GTF2F1: variants seen among roughly 807,000 people sequenced by gnomAD.
GTF2F1 encodes general transcription factor IIF 74 kDa subunit.
In GTF2F1, 39 loss-of-function variants were observed where a neutral mutation model predicts 63.5. The ratio of observed to expected loss-of-function variants is 0.61; its 90% CI spans 0.48 to 0.80. The LOEUF (loss-of-function observed/expected upper bound fraction) is 0.80. GTF2F1 is among the 30% of genes least tolerant of loss of function. GTF2F1 has a pLI of 0.00. For synonymous variants in GTF2F1, 287 were observed against 285.3 expected (o/e 1.01, Z -0.06); for missense variants, 657 against 718.3 (o/e 0.91, Z 0.97).
At position 6,381,572 on chromosome 19, in the gene GTF2F1, G is replaced by C. The variant is rs747797295; in HGVS notation, c.880C>G (p.Gln294Glu). The change falls in exon 8 of 13, where the codon CAG becomes GAG. Residue 294 changes from glutamine to glutamate, a missense_variant. Physicochemically the swap from Gln to Glu is conservative, Grantham distance 29 (BLOSUM62 2). This residue lies in a region of GTF2F1 where 602 missense variants were observed against 625.6 expected (regional missense o/e 0.96). Coordinates refer to ENST00000394456, the MANE Select transcript of GTF2F1 (RefSeq NM_002096.3). The surrounding 1 kb of genome is among the most constrained non-coding windows in gnomAD (Gnocchi z 4.1). ...CGCCTACCCTTGGGCCCCTCCTCCT[G>C]CTGCGGCGCCTTGGCCTTGCTCTCA... Reference protein sequence around the residue: ...EPESKAKAPQQEEGPKGVDEQ... With the variant: ...EPESKAKAPQEEEGPKGVDEQ... 1 of 1,613,528 alleles carries C rather than the reference G, an allele frequency of 6.2e-7. No homozygotes were observed. Among genetic ancestry groups the C allele is most frequent in the East Asian group, 2.2e-5 (1 of 44,886 alleles).
intron 3 of GTF2F1, among the ~76,000 whole-genome samples, chr19:6,391,437 C>T (rs1030071955): frequency 1.5e-5 from 2 of 134,970 alleles, no homozygotes; most frequent in African/African-American, 5.7e-5. Flanking sequence ...TTTGCCATTT[C>T]CGTTTTTTTT....
intron 3 of GTF2F1, 194 bp from the exon 4 acceptor site, chr19:6,389,831 A>G (rs2091989735): frequency 2.0e-6 from 1 of 500,810 alleles, no homozygotes; most frequent in Non-Finnish European, 3.5e-6. Context: ...CTTGCGCTCT[A>G]TTTTTGCAAC....
rs748344833 is a variant in GTF2F1 at position 6,393,040 on chromosome 19, T to C, written c.-45A>G. ...CGATCTGGTCCGACCCGGGTTCCTT[T>C]CGTCTCCTCTGGCGTGCGCGTCCCT... On this transcript the variant is annotated 5_prime_UTR_variant, in exon 1 of 13. Coordinates refer to ENST00000394456, the MANE Select transcript of GTF2F1 (RefSeq NM_002096.3). 6.2e-7 allele frequency: 1 copy of C among 1,612,078 alleles called. No homozygotes were observed. The highest frequency in any genetic ancestry group is 1.1e-5 in the South Asian group (1 of 91,030).
Position 6,379,741 on chromosome 19 carries a change from C to CTT in GTF2F1, c.*538_*539dup, listed in dbSNP as rs11359697. 9.1e-5 allele frequency: 13 copies of CTT among 142,236 alleles called. No individual in the cohort carries two copies. The highest frequency in any genetic ancestry group is 2.7e-4 in the Admixed American group (4 of 14,634). The allele number at this position is 142,236 out of a possible 1,614,324, so 8.8% of individuals were successfully genotyped here. ...AGGCTCCCGCCACCATGCCTGGCTA[C>CTT]TTTTTTTTTTTTTTTGTGCCAGGAT... On this transcript the variant is annotated 3_prime_UTR_variant, in exon 13 of 13. Transcript: ENST00000394456.
At chr19:6,391,793 A>C (rs1265885551) in intron 3 of GTF2F1, 109 bp downstream of exon 3, 1 of 625,540 alleles carries the variant, frequency 1.6e-6, no homozygotes, top group Non-Finnish European at 2.9e-6. Flanking sequence ...AAAAGTGAGA[A>C]AATTAAGACT....
At chr19:6,382,839 C>A (rs899633098) in intron 6 of GTF2F1, among the ~76,000 whole-genome samples, 1 of 151,418 alleles carries the variant, frequency 6.6e-6, no homozygotes, top group South Asian at 2.1e-4. Context: ...TGGCTCAGCT[C>A]TCCCGGGCTC....
At chr19:6,386,970 C>G (rs2074618354) in intron 5 of GTF2F1, 1 of 207,996 alleles carries the variant, frequency 4.8e-6, no homozygotes. Flanking sequence ...CTGCACTGGC[C>G]TCATGCACTG....
At chr19:6,387,356 C>G in intron 5 of GTF2F1, 33 bp downstream of exon 5, 1 of 1,606,446 alleles carries the variant, frequency 6.2e-7, no homozygotes, top group Non-Finnish European at 8.5e-7. Context: ...ATTTCCCTCA[C>G]TTCTGTCCCC....
intron 2 of GTF2F1, 82 bp from the exon 3 acceptor site, chr19:6,392,056 T>A: frequency 1.3e-6 from 1 of 747,974 alleles, no homozygotes; most frequent in Non-Finnish European, 2.4e-6. Context: ...ATTGAACCAT[T>A]AATTCAATCA....
rs373905184 is a variant in GTF2F1, at chr19:6,381,672, C to T, written c.836+25G>A. The stretch of plus-strand genomic sequence containing the variant: ...GCGCTCGCGAGGCTGCATGGGGTCT[C>T]GCAGGCGCCTCCCGTCGGCCTCACC... On this transcript the variant is annotated intron_variant, in intron 7 of 12. Transcript: ENST00000394456. The surrounding 1 kb of genome is among the most constrained non-coding windows in gnomAD (Gnocchi z 4.1). 25 of 1,614,002 alleles carry T rather than the reference C, an allele frequency of 1.5e-5. No homozygotes were observed. The highest frequency in any genetic ancestry group is 2.2e-5 in the East Asian group (1 of 44,886).
Position 6,381,317 on chromosome 19 carries a change from GC to G in GTF2F1, c.1018+41del. On this transcript the variant is annotated intron_variant, in intron 9 of 12. Transcript: ENST00000394456. The surrounding 1 kb of genome is among the most constrained non-coding windows in gnomAD (Gnocchi z 4.1). Reference sequence around the variant, plus strand: ...GGGGAGGAGGTGGCAGGGCGCCAGGGCCCGACCCAAGCCTCCAATATGGGGG... The same window carrying G: ...GGGGAGGAGGTGGCAGGGCGCCAGGGCCGACCCAAGCCTCCAATATGGGGG... The G allele has an allele frequency of 6.5e-7, 1 of 1,546,100 alleles. No homozygotes were observed. Among genetic ancestry groups the G allele is most frequent in the Non-Finnish European group, 8.7e-7 (1 of 1,144,462 alleles).
Position 6,392,227 on chromosome 19 carries a change from C to T in GTF2F1, c.60-253G>A, listed in dbSNP as rs1264164758. ...CCCAGCTTCATTCAGCCTGTTTTGC[C>T]TGGCAACACTGGATACGGAAGACTC... On this transcript the variant is annotated intron_variant, in intron 2 of 12. Transcript: ENST00000394456. The T allele has an allele frequency of 7.4e-6, 4 of 543,584 alleles. No homozygotes were observed. In the African/African-American group the frequency reaches 7.5e-5, roughly 10 times the overall value. 33.7% of individuals were successfully genotyped at this position (543,584 alleles called of 1,614,324 possible). A position where few individuals can be genotyped will look rare whatever the true frequency, so the allele number is the denominator to read the frequency against.
At chr19:6,392,476 A>C (rs1227682216) in intron 2 of GTF2F1, 1 of 520,848 alleles carries the variant, frequency 1.9e-6, no homozygotes, top group African/African-American at 1.9e-5. Flanking sequence ...GCAGAGTCAC[A>C]GTTTAGGGGT....
Position 6,393,104 on chromosome 19 carries a change from T to A in GTF2F1, c.-109A>T. The A allele has an allele frequency of 6.8e-7, 1 of 1,460,954 alleles. No individual in the cohort carries two copies. The highest frequency in any genetic ancestry group is 9.5e-7 in the Non-Finnish European group (1 of 1,048,282). 90.5% of individuals were successfully genotyped at this position (1,460,954 alleles called of 1,614,324 possible). On this transcript the variant is annotated 5_prime_UTR_variant, in exon 1 of 13. Transcript: ENST00000394456. ...GCCGCCGCTCGGTGTCGGGTCTCTG[T>A]GCCTGAGCGAGGACCCCAACCCTAG...
rs1410011405 is a variant in GTF2F1, at chr19:6,379,733, CCTGGCTA to C, written c.*541_*547del. ...GGGACAACAGGCTCCCGCCACCATG[CCTGGCTA>C]CTTTTTTTTTTTTTTTGTGCCAGGA... On this transcript the variant is annotated 3_prime_UTR_variant, in exon 13 of 13. Coordinates refer to ENST00000394456, the MANE Select transcript of GTF2F1 (RefSeq NM_002096.3). 1 of 139,258 alleles carries C rather than the reference CCTGGCTA, an allele frequency of 7.2e-6. No individual in the cohort carries two copies. The highest frequency in any genetic ancestry group is 1.4e-5 in the Non-Finnish European group (1 of 70,066). The allele number at this position is 139,258 out of a possible 1,614,324, so 8.6% of individuals were successfully genotyped here.
Position 6,380,957 on chromosome 19 carries a change from T to G in GTF2F1, c.1178A>C (p.Glu393Ala). The change falls in exon 11 of 13, where the codon GAG becomes GCG. Residue 393 changes from glutamate to alanine, a missense_variant. Glu to Ala is a moderately radical substitution (Grantham distance 107, BLOSUM62 -1). Coordinates refer to ENST00000394456, the MANE Select transcript of GTF2F1 (RefSeq NM_002096.3). This position sits in a 1 kb window ranked among gnomAD's most constrained non-coding sequence, Gnocchi z 5.3. ...GNSRPGTPSA[E>A]GGSTSSTLRA... ...CAGGGTGGAGGAGGTGCTGCCACCCTCTGCGCTGGGCGTGCCTGGGCGGCT... is the reference window on the plus strand; with the variant it reads ...CAGGGTGGAGGAGGTGCTGCCACCCGCTGCGCTGGGCGTGCCTGGGCGGCT... 1 of 1,596,370 alleles carries G rather than the reference T, an allele frequency of 6.3e-7. No individual in the cohort carries two copies. The highest frequency in any genetic ancestry group is 8.5e-7 in the Non-Finnish European group (1 of 1,171,638).
chr19:6,392,487 T>G, intron 2 of GTF2F1: 1 of 527,440 alleles, frequency 1.9e-6, no homozygotes, highest in Non-Finnish European at 3.6e-6. Flanking sequence ...GTTTAGGGGT[T>G]GAGGGGAGGC....
Position 6,381,155 on chromosome 19 carries a change from A to G in GTF2F1, c.1059T>C (p.Ile353=). 1 of 1,611,950 alleles carries G rather than the reference A, an allele frequency of 6.2e-7. No individual in the cohort carries two copies. The highest frequency in any genetic ancestry group is 8.5e-7 in the Non-Finnish European group (1 of 1,179,356). The change falls in exon 10 of 13, where the codon ATT becomes ATC. Residue 353 remains isoleucine, a synonymous_variant. Coordinates refer to ENST00000394456, the MANE Select transcript of GTF2F1 (RefSeq NM_002096.3). The surrounding 1 kb of genome is among the most constrained non-coding windows in gnomAD (Gnocchi z 4.1). ...EESDSSEESD[I]DSEASSALFM... ...AGAGGGCTGAGGAGGCCTCGCTGTCAATGTCGCTCTCCTCTGAGCTGTCCG... is the reference window on the plus strand; with the variant it reads ...AGAGGGCTGAGGAGGCCTCGCTGTCGATGTCGCTCTCCTCTGAGCTGTCCG...
Position 6,383,607 on chromosome 19 carries a change from C to A in GTF2F1, c.498-112G>T. ...CACATAGCCTTCAAGGTGATGTGGC[C>A]CCCGGGGACTTGGGCTGTGGCACAG... On this transcript the variant is annotated intron_variant, in intron 5 of 12. Coordinates refer to ENST00000394456, the MANE Select transcript of GTF2F1 (RefSeq NM_002096.3). This position sits in a 1 kb window ranked among gnomAD's most constrained non-coding sequence, Gnocchi z 4.5. 8.8e-7 allele frequency: 1 copy of A among 1,141,268 alleles called. No homozygotes were observed. Among genetic ancestry groups the A allele is most frequent in the East Asian group, 2.5e-5 (1 of 40,354 alleles). The allele number at this position is 1,141,268 out of a possible 1,614,324, so 70.7% of individuals were successfully genotyped here.
Sources: allele counts gnomAD v4.1 joint callset (sites outside exome capture counted in the v4.1 genomes callset), GRCh38; gene constraint gnomAD v4.1.1; regional missense constraint gnomAD v4.1.1; non-coding constraint Gnocchi (gnomAD v3.1); transcripts MANE v1.5; gene names NCBI Gene and HGNC (gene_info 2026-07-23, HGNC 2026-07-21).